Variants in ROCK1 observed in about 807,000 individuals in gnomAD.
ROCK1 encodes rho-associated protein kinase 1.
A neutral mutation model predicts 196.8 loss-of-function variants in ROCK1; 36 were observed. That is an observed-to-expected ratio of 0.18 (90% confidence interval 0.14 to 0.24). The LOEUF is 0.24. Among genes scored for constraint, ROCK1 ranks in the 10% least tolerant of loss-of-function variants. The pLI, the probability that ROCK1 is intolerant of heterozygous loss-of-function variation, is 1.00. For missense variants in ROCK1, 920 were observed against 1,562.0 expected (o/e 0.59, Z 6.93); for synonymous variants, 443 against 515.9 (o/e 0.86, Z 1.91).
rs2035227478 is a variant in ROCK1, at chr18:20,954,920, G to A, written c.3716C>T (p.Pro1239Leu). Residue 1239 changes from proline to leucine, a missense_variant, in exon 31 of 33, where the codon CCT becomes CTT. By Grantham distance (98) the Pro-to-Leu change is moderately conservative (BLOSUM62 -3). Around this residue, in one of 6 missense-constraint regions of ROCK1, gnomAD observed 49 missense variants for 180.4 expected, o/e 0.27. Transcript: ENST00000399799. ...TTTGGCACAGGCATCACAATTGGCA[G>A]GAAAGTGGTAGAGTGTAGGAATAAA... is the stretch of plus-strand genomic sequence containing the variant. ...HEFIPTLYHF[P>L]ANCDACAKPL... 6.2e-7 allele frequency: 1 copy of A among 1,613,696 alleles called. No individual in the cohort carries two copies. Among genetic ancestry groups the A allele is most frequent in the Non-Finnish European group, 8.5e-7 (1 of 1,179,796 alleles).
intron 12 of ROCK1, among the ~76,000 whole-genome samples, chr18:21,018,530 C>CAA (rs200960983): frequency 5.4e-5 from 5 of 91,922 alleles, no homozygotes; most frequent in Non-Finnish European, 7.1e-5. Flanking sequence ...GATTTCGTCT[C>CAA]AAAAAAAAAA....
At chr18:20,983,904 G>A (rs1353170577) in intron 20 of ROCK1, among the ~76,000 whole-genome samples, 2 of 152,172 alleles carry the variant, frequency 1.3e-5, no homozygotes, top group Non-Finnish European at 2.9e-5. Flanking sequence ...TCGACAAATT[G>A]TGAAAGCGTT....
intron 23 of ROCK1, chr18:20,969,824 T>C (rs1474971904): frequency 3.3e-5 from 5 of 152,246 alleles, no homozygotes; most frequent in African/African-American, 7.2e-5. Context: ...GAGTGACTGA[T>C]AGTGGCTTTA....
At chr18:21,087,996 A>C (rs1048611981) in intron 1 of ROCK1, among the ~76,000 whole-genome samples, 3 of 152,244 alleles carry the variant, frequency 2.0e-5, no homozygotes, top group Admixed American at 2.0e-4. Context: ...AACTACAATA[A>C]ATAAGAAAAA....
At chr18:20,958,778 TAA>T (rs34217637) in intron 29 of ROCK1, among the ~76,000 whole-genome samples, 1,817 of 106,976 alleles carry the variant, frequency 0.017, no homozygotes, top group African/African-American at 0.027. Context: ...GTATTACTCA[TAA>T]GACATAATAC....
At chr18:21,033,013 G>C (rs1013908990) in intron 9 of ROCK1, among the ~76,000 whole-genome samples, 3 of 151,946 alleles carry the variant, frequency 2.0e-5, no homozygotes, top group Admixed American at 2.0e-4. Flanking sequence ...GGGCAACATA[G>C]CAAGACCCCA....
intron 12 of ROCK1, 124 bp from the exon 13 acceptor site, chr18:21,015,603 C>A: frequency 3.0e-6 from 2 of 672,462 alleles, no homozygotes; most frequent in Non-Finnish European, 5.3e-6. Context: ...TGCCATGGAT[C>A]TCTTTGGCAG....
intron 13 of ROCK1, among the ~76,000 whole-genome samples, chr18:21,009,349 A>C (rs394715): frequency 0.21 from 30,850 of 150,448 alleles, 7,078 homozygotes; most frequent in African/African-American, 0.57. Context: ...CAACATAAAG[A>C]CCTTAAAATC....
intron 6 of ROCK1, among the ~76,000 whole-genome samples, chr18:21,043,253 C>G (rs1345626464): frequency 1.3e-5 from 2 of 151,968 alleles, no homozygotes; most frequent in African/African-American, 4.8e-5. Context: ...CAAATACAAA[C>G]TGGGGAAGCA....
chr18:21,096,562 GAGAA>G (rs1437023725), intron 1 of ROCK1, among the ~76,000 whole-genome samples: 1 of 152,166 alleles, frequency 6.6e-6, no homozygotes, highest in Non-Finnish European at 1.5e-5. Context: ...AACTAATTCA[GAGAA>G]AGAAAGGGAA....
chr18:21,047,619 C>T (rs1234236157), intron 4 of ROCK1, among the ~76,000 whole-genome samples: 3 of 151,984 alleles, frequency 2.0e-5, no homozygotes, highest in South Asian at 4.1e-4. Context: ...CAGTGAAACC[C>T]GTCTCTACTA....
At chr18:21,049,988 C>A in intron 2 of ROCK1, 108 bp from the exon 3 acceptor site, 1 of 524,642 alleles carries the variant, frequency 1.9e-6, no homozygotes, top group Non-Finnish European at 3.2e-6. Flanking sequence ...CAACAAACTT[C>A]ATGAAGAATT....
In ROCK1 at chr18:21,110,954, G is replaced by A. The variant is rs377650197; in HGVS notation, c.-44C>T. The A allele has an allele frequency of 3.3e-6, 5 of 1,526,952 alleles. No individual in the cohort carries two copies. The highest frequency in any genetic ancestry group is 4.5e-6 in the Non-Finnish European group (5 of 1,102,474). 94.6% of individuals were successfully genotyped at this position (1,526,952 alleles called of 1,614,324 possible). A position where few individuals can be genotyped will look rare whatever the true frequency, so the allele number is the denominator to read the frequency against. ...ATGCCCTCTTACCAGCACCAGCAGCGGAAAGCAATTTCAACCAACTTCCTC... is the reference window on the plus strand; with the variant it reads ...ATGCCCTCTTACCAGCACCAGCAGCAGAAAGCAATTTCAACCAACTTCCTC... On this transcript the variant is annotated 5_prime_UTR_variant, in exon 1 of 33. Coordinates refer to ENST00000399799, the MANE Select transcript of ROCK1 (RefSeq NM_005406.3).
chr18:20,990,693 CAAAA>C (rs1170099682), intron 18 of ROCK1, among the ~76,000 whole-genome samples: 8 of 22,584 alleles, frequency 3.5e-4, no homozygotes, highest in Non-Finnish European at 5.8e-4. Flanking sequence ...AACTTCGTCT[CAAAA>C]AAAAAAAAAA....
At chr18:21,035,895 T>C (rs2036052858) in intron 9 of ROCK1, among the ~76,000 whole-genome samples, 1 of 152,134 alleles carries the variant, frequency 6.6e-6, no homozygotes, top group Admixed American at 6.5e-5. Context: ...ACAGAAAGAA[T>C]AGTGATTACT....
At chr18:21,031,703 T>C (rs1338908551) in intron 9 of ROCK1, among the ~76,000 whole-genome samples, 4 of 151,826 alleles carry the variant, frequency 2.6e-5, no homozygotes, top group African/African-American at 9.7e-5. Context: ...CTCTTAAATG[T>C]GTTCAAAAAG....
In ROCK1 at chr18:20,953,647, G is replaced by A. The variant is rs577744892; in HGVS notation, c.3992C>T (p.Thr1331Met). 60 of 1,612,876 alleles carry A rather than the reference G, an allele frequency of 3.7e-5. No individual in the cohort carries two copies. The East Asian group carries it at 1.1e-3, about 29-fold the overall frequency. The part of the protein sequence containing the change: ...PSGFVRASPR[T>M]LSTRSTANQS... Reference sequence around the variant, plus strand: ...ATTTGCAGTGGATCTTGTAGAAAGCGTTCGAGGGGAAGCACGAACAAAACC... The same window carrying A: ...ATTTGCAGTGGATCTTGTAGAAAGCATTCGAGGGGAAGCACGAACAAAACC... The change falls in exon 32 of 33, where the codon ACG becomes ATG. Residue 1331 changes from threonine to methionine, a missense_variant. By Grantham distance (81) the Thr-to-Met change is moderately conservative. Transcript: ENST00000399799.
At chr18:21,044,039 C>T in intron 6 of ROCK1, 63 bp downstream of exon 6, 1 of 976,544 alleles carries the variant, frequency 1.0e-6, no homozygotes, top group East Asian at 2.5e-5. Flanking sequence ...ATTCTTAAAC[C>T]ATTTTCTAAA....
At chr18:20,970,276 C>G in intron 23 of ROCK1, 72 bp downstream of exon 23, 1 of 1,170,506 alleles carries the variant, frequency 8.5e-7, no homozygotes, top group South Asian at 1.3e-5. Context: ...ACACACTTAC[C>G]CTAATATTTT....
Sources: allele counts gnomAD v4.1 joint callset (sites outside exome capture counted in the v4.1 genomes callset), GRCh38; gene constraint gnomAD v4.1.1; regional missense constraint gnomAD v4.1.1; transcripts MANE v1.5; gene names NCBI Gene and HGNC (gene_info 2026-07-23, HGNC 2026-07-21).